THRB: variants seen among roughly 807,000 people sequenced by gnomAD.
THRB encodes thyroid hormone receptor beta, also known as nuclear receptor subfamily 1 group A member 2.
A neutral mutation model predicts 47.8 loss-of-function variants in THRB; 12 were observed. That is an observed-to-expected ratio of 0.25 (90% CI 0.16 to 0.41). The LOEUF (loss-of-function observed/expected upper bound fraction) is 0.41. Ranked by LOEUF, THRB falls within the 10% of genes least tolerant of loss-of-function variation. The pLI is 1.00. For synonymous variants in THRB, 218 were observed against 212.2 expected (o/e 1.03, Z -0.24); for missense variants, 348 against 589.2 (o/e 0.59, Z 4.24).
intron 8 of THRB, among the ~76,000 whole-genome samples, chr3:24,138,978 G>A (rs966224828): frequency 5.9e-5 from 9 of 152,236 alleles, no homozygotes; most frequent in African/African-American, 1.9e-4. Context: ...CAATAGACAA[G>A]ATTGTTGCTG....
intron 1 of THRB, among the ~76,000 whole-genome samples, chr3:24,357,374 A>C (rs11713596): frequency 3.8e-5 from 4 of 104,502 alleles, no homozygotes; most frequent in Non-Finnish European, 8.5e-5. Context: ...AAAAAAAAAA[A>C]CAAAAAACAA....
At chr3:24,346,070 G>A (rs2062996272) in intron 1 of THRB, among the ~76,000 whole-genome samples, 1 of 151,884 alleles carries the variant, frequency 6.6e-6, no homozygotes, top group African/African-American at 2.4e-5. Flanking sequence ...AACACAGGAA[G>A]GAATGATGAA....
At chr3:24,268,322 C>T (rs956541666) in intron 3 of THRB, among the ~76,000 whole-genome samples, 3 of 152,036 alleles carry the variant, frequency 2.0e-5, no homozygotes, top group Non-Finnish European at 2.9e-5. Flanking sequence ...ATGTTGTAAA[C>T]CCTGACAAAT....
intron 1 of THRB, among the ~76,000 whole-genome samples, chr3:24,342,873 G>A (rs1329140238): frequency 2.0e-5 from 3 of 152,318 alleles, no homozygotes; most frequent in South Asian, 4.1e-4. Flanking sequence ...AGGAAATACC[G>A]AGGGAATAGC....
At chr3:24,161,980 A>G (rs544468679) in intron 5 of THRB, among the ~76,000 whole-genome samples, 16 of 152,256 alleles carry the variant, frequency 1.1e-4, no homozygotes, top group African/African-American at 3.9e-4. Flanking sequence ...AATCCCGTGG[A>G]GGAGAGTCGC....
chr3:24,208,235 G>T (rs1275195820), intron 4 of THRB, among the ~76,000 whole-genome samples: 1 of 151,862 alleles, frequency 6.6e-6, no homozygotes, highest in Non-Finnish European at 1.5e-5. Context: ...CATGCTCATG[G>T]GTAGGAAGAA....
At chr3:24,420,347 C>A (rs1048582986) in intron 1 of THRB, among the ~76,000 whole-genome samples, 2 of 151,852 alleles carry the variant, frequency 1.3e-5, no homozygotes, top group African/African-American at 2.4e-5. Flanking sequence ...CGTAGTCCAG[C>A]CCTGGCGGTG....
At chr3:24,192,540 C>T (rs1413949031) in intron 4 of THRB, among the ~76,000 whole-genome samples, 3 of 152,010 alleles carry the variant, frequency 2.0e-5, no homozygotes, top group Non-Finnish European at 4.4e-5. Flanking sequence ...TCCCTTGACC[C>T]CACAGAAATT....
intron 1 of THRB, among the ~76,000 whole-genome samples, chr3:24,445,123 AAGAT>A (rs1195526538): frequency 2.6e-5 from 4 of 152,154 alleles, no homozygotes; most frequent in South Asian, 2.1e-4. Flanking sequence ...TACCAATTAA[AAGAT>A]AGATTTAATC....
intron 3 of THRB, among the ~76,000 whole-genome samples, chr3:24,280,748 T>G (rs2054487577): frequency 6.6e-6 from 1 of 152,042 alleles, no homozygotes; most frequent in Admixed American, 6.5e-5. Flanking sequence ...TTAAAGGAGC[T>G]GATGGAGCTG....
intron 5 of THRB, chr3:24,164,987 C>A: frequency 1.5e-6 from 1 of 686,864 alleles, no homozygotes. Context: ...CGAAAACAAA[C>A]AGTGAAACTT....
chr3:24,465,218 T>C (rs2074038177), intron 1 of THRB, among the ~76,000 whole-genome samples: 1 of 152,190 alleles, frequency 6.6e-6, no homozygotes, highest in Non-Finnish European at 1.5e-5. Flanking sequence ...GGATTTTGGG[T>C]CGATGATTTT....
At chr3:24,208,020 G>A (rs936409630) in intron 4 of THRB, among the ~76,000 whole-genome samples, 6 of 152,094 alleles carry the variant, frequency 3.9e-5, no homozygotes, top group African/African-American at 1.4e-4. Flanking sequence ...AAATCAATGT[G>A]CAAAAATCAC....
intron 10 of THRB, among the ~76,000 whole-genome samples, chr3:24,125,920 G>A (rs886590488): frequency 1.3e-5 from 2 of 152,162 alleles, no homozygotes; most frequent in Non-Finnish European, 2.9e-5. Flanking sequence ...GGAGGTGGTG[G>A]GGAGTGTAGG....
intron 1 of THRB, among the ~76,000 whole-genome samples, chr3:24,343,880 G>T (rs2149480543): frequency 6.8e-6 from 1 of 147,840 alleles, no homozygotes; most frequent in South Asian, 2.1e-4. Context: ...ATATTTGGCA[G>T]AATGTATTAC....
chr3:24,142,099 G>A (rs1306630966), intron 8 of THRB, among the ~76,000 whole-genome samples: 2 of 152,184 alleles, frequency 1.3e-5, no homozygotes, highest in African/African-American at 4.8e-5. Context: ...ATTGCATAGG[G>A]TAGTGGATAG....
chr3:24,245,566 A>T (rs2050027312), intron 3 of THRB, among the ~76,000 whole-genome samples: 1 of 152,108 alleles, frequency 6.6e-6, no homozygotes, highest in African/African-American at 2.4e-5. Context: ...ACAGATTACC[A>T]TGCCTCCCCG....
intron 2 of THRB, among the ~76,000 whole-genome samples, chr3:24,316,748 C>G (rs1454455020): frequency 1.3e-5 from 2 of 152,128 alleles, no homozygotes; most frequent in African/African-American, 2.4e-5. Flanking sequence ...CCGCTCCCAG[C>G]CCCAAGTACC....
At chr3:24,126,031 T>A (rs1441266456) in intron 10 of THRB, among the ~76,000 whole-genome samples, 1 of 152,176 alleles carries the variant, frequency 6.6e-6, no homozygotes. Flanking sequence ...GAATTATTTC[T>A]TTCTTTTTTT....
Sources: gnomAD v4.1 joint callset for allele counts (sites outside exome capture counted in the v4.1 genomes callset) on GRCh38, gnomAD v4.1.1 for gene constraint, MANE v1.5 for transcripts, NCBI Gene and HGNC (gene_info 2026-07-23, HGNC 2026-07-21) for gene names.